GADL1: variants seen among roughly 807,000 people sequenced by gnomAD.
The protein encoded by GADL1 is acidic amino acid decarboxylase GADL1.
A neutral mutation model predicts 69.5 loss-of-function variants in GADL1; 71 were observed. The ratio of observed to expected loss-of-function variants is 1.02; its 90% CI spans 0.84 to 1.25. The LOEUF (loss-of-function observed/expected upper bound fraction) is 1.25, where lower values mean the gene tolerates loss of function less well. Ranked by LOEUF, GADL1 falls within the 50% of genes most tolerant of loss-of-function variation. GADL1 has a pLI of 0.00. For missense variants in GADL1, 737 were observed against 631.8 expected, an observed-to-expected ratio of 1.17 and a Z score of -1.79; for synonymous variants, 254 against 214.4, an observed-to-expected ratio of 1.18 and a Z score of -1.62.
chr3:30,852,255 C>G lies in GADL1; in HGVS notation c.429-1314G>C, dbSNP rs146516669. Among the ~76,000 whole-genome samples, 515 of 152,250 alleles carry G rather than the reference C, an allele frequency of 3.4e-3. 2 individuals carry two copies. The highest frequency in any genetic ancestry group is 0.012 in the African/African-American group (503 of 41,572). ...TTCAGCTGGGTGCAGTGGCTCATGCCTGTAATCTCAGCACTTTGGGAGTTC... is the reference window on the plus strand; with the variant it reads ...TTCAGCTGGGTGCAGTGGCTCATGCGTGTAATCTCAGCACTTTGGGAGTTC... On this transcript the variant is annotated intron_variant, in intron 4 of 14. Transcript: ENST00000282538.
chr3:30,892,222 T>G (rs1698796125), intron 1 of GADL1, among the ~76,000 whole-genome samples: 1 of 152,228 alleles, frequency 6.6e-6, no homozygotes, highest in South Asian at 2.1e-4. Context: ...AGAATAAGAA[T>G]TCTTTATCTG....
Position 30,816,536 on chromosome 3 carries a change from T to G in GADL1, c.1051-15448A>C, listed in dbSNP as rs13064491. On this transcript the variant is annotated intron_variant, in intron 11 of 14. Coordinates refer to ENST00000282538, the MANE Select transcript of GADL1 (RefSeq NM_207359.3). ...TATATTCTTAATTTGTTTTCTTTTT[T>G]TTTTTTTTTTTTTTTTTTTTTTTTT... 2.5e-3 allele frequency among the ~76,000 whole-genome samples: 136 copies of G among 54,950 alleles called. 2 individuals are homozygous for G. The highest frequency in any genetic ancestry group is 8.7e-3 in the African/African-American group (117 of 13,378). The allele number at this position is 54,950 out of a possible 152,430, so 36.0% of individuals were successfully genotyped here.
chr3:30,801,224 G>A (rs1456748352), intron 11 of GADL1, 136 bp from the exon 12 acceptor site: 4 of 652,606 alleles, frequency 6.1e-6, no homozygotes, highest in Non-Finnish European at 1.1e-5. Flanking sequence ...CCTTACATCA[G>A]ACACAATCAG....
At chr3:30,808,973 C>T (rs79039036) in intron 11 of GADL1, among the ~76,000 whole-genome samples, 2,302 of 152,280 alleles carry the variant, frequency 0.015, 54 homozygotes, top group African/African-American at 0.053. Flanking sequence ...GTCTCATGCA[C>T]AGTGACTAAA....
chr3:30,759,555 T>C (rs765898400), intron 14 of GADL1, among the ~76,000 whole-genome samples: 1 of 152,244 alleles, frequency 6.6e-6, no homozygotes, highest in Non-Finnish European at 1.5e-5. Flanking sequence ...GTTCCCACAG[T>C]AACACTGTGG....
chr3:30,739,875 T>C (rs1403142427), intron 14 of GADL1, among the ~76,000 whole-genome samples: 2 of 152,238 alleles, frequency 1.3e-5, no homozygotes, highest in Non-Finnish European at 2.9e-5. Flanking sequence ...CCATTAATGC[T>C]GTAAATATTA....
chr3:30,887,240 G>A (rs1698721864), intron 1 of GADL1, among the ~76,000 whole-genome samples: 1 of 152,164 alleles, frequency 6.6e-6, no homozygotes, highest in Non-Finnish European at 1.5e-5. Flanking sequence ...TTAAAAAGAA[G>A]GTGCTGTGGT....
intron 14 of GADL1, among the ~76,000 whole-genome samples, chr3:30,762,197 A>G (rs1228960639): frequency 6.6e-6 from 1 of 152,136 alleles, no homozygotes; most frequent in African/African-American, 2.4e-5. Context: ...AACAGTGAAG[A>G]GAAGAGGGGC....
intron 8 of GADL1, among the ~76,000 whole-genome samples, chr3:30,840,844 G>C (rs1697953818): frequency 6.6e-6 from 1 of 152,210 alleles, no homozygotes; most frequent in Non-Finnish European, 1.5e-5. Context: ...AGTATTGATG[G>C]CATGCTGCCA....
intron 12 of GADL1, among the ~76,000 whole-genome samples, chr3:30,793,987 C>T (rs1404430138): frequency 2.0e-5 from 3 of 152,294 alleles, no homozygotes; most frequent in Non-Finnish European, 4.4e-5. Context: ...CAGACACCCA[C>T]GTGCTCTATT....
chr3:30,769,094 T>TCACAGTA (rs1170412697), intron 14 of GADL1, among the ~76,000 whole-genome samples: 3 of 152,166 alleles, frequency 2.0e-5, no homozygotes, highest in African/African-American at 7.2e-5. Flanking sequence ...GCAAGAAATG[T>TCACAGTA]CACAGTACTG....
chr3:30,875,554 G>A (rs1298415213), intron 1 of GADL1, among the ~76,000 whole-genome samples: 1 of 151,902 alleles, frequency 6.6e-6, no homozygotes, highest in Non-Finnish European at 1.5e-5. Flanking sequence ...ACATACAATA[G>A]TCATGCAGGC....
intron 11 of GADL1, among the ~76,000 whole-genome samples, chr3:30,804,394 TTC>T (rs912429743): frequency 1.8e-4 from 28 of 152,290 alleles, no homozygotes; most frequent in African/African-American, 6.0e-4. Flanking sequence ...CTAACAAAGA[TTC>T]TGTTTTTGAC....
Position 30,791,647 on chromosome 3 carries a change from G to A in GADL1, c.1251-5241C>T, listed in dbSNP as rs143365784. 5.4e-3 allele frequency among the ~76,000 whole-genome samples: 828 copies of A among 152,092 alleles called. 3 individuals are homozygous for A. The highest frequency in any genetic ancestry group is 8.4e-3 in the Non-Finnish European group (568 of 67,982). ...TCTTTTTGCTAACCATGTAGATCTGGGCTTTGTGTTGGGGTAATGTTCCTA... is the reference window on the plus strand; with the variant it reads ...TCTTTTTGCTAACCATGTAGATCTGAGCTTTGTGTTGGGGTAATGTTCCTA... On this transcript the variant is annotated intron_variant, in intron 12 of 14. Coordinates refer to ENST00000282538, the MANE Select transcript of GADL1 (RefSeq NM_207359.3).
intron 6 of GADL1, among the ~76,000 whole-genome samples, chr3:30,847,191 A>T (rs181527170): frequency 6.6e-6 from 1 of 152,164 alleles, no homozygotes; most frequent in African/African-American, 2.4e-5. Context: ...CCTATTTAGC[A>T]CTAGAGAGGC....
chr3:30,791,246 CTT>C lies in GADL1; in HGVS notation c.1251-4842_1251-4841del, dbSNP rs1696907836. The stretch of plus-strand genomic sequence containing the variant: ...TAGGAGAAAAGCTTTGTGAACCATC[CTT>C]TTTCTCCCTTTTCAGGCACAAATGT... On this transcript the variant is annotated intron_variant, in intron 12 of 14. Coordinates refer to ENST00000282538, the MANE Select transcript of GADL1 (RefSeq NM_207359.3). Among the ~76,000 whole-genome samples, 3 of 152,172 alleles carry C rather than the reference CTT, an allele frequency of 2.0e-5. No homozygotes were observed. In the South Asian group the frequency reaches 6.2e-4, roughly 32 times the overall value.
chr3:30,769,003 A>G (rs538220792), intron 14 of GADL1, among the ~76,000 whole-genome samples: 63 of 152,300 alleles, frequency 4.1e-4, no homozygotes, highest in African/African-American at 1.5e-3. Flanking sequence ...TGTTTTTGCA[A>G]CAACAAACTG....
intron 7 of GADL1, 48 bp downstream of exon 7, chr3:30,844,339 T>A: frequency 6.4e-7 from 1 of 1,569,578 alleles, no homozygotes; most frequent in Non-Finnish European, 8.8e-7. Flanking sequence ...ATAAACCATA[T>A]AAACTTTTCC....
chr3:30,772,927 G>A (rs1217016803), intron 14 of GADL1, among the ~76,000 whole-genome samples: 1 of 152,012 alleles, frequency 6.6e-6, no homozygotes, highest in Non-Finnish European at 1.5e-5. Context: ...AGCTTTCAGG[G>A]AAACCTAGGA....
Sources: gnomAD v4.1 joint callset for allele counts (sites outside exome capture counted in the v4.1 genomes callset) on GRCh38, gnomAD v4.1.1 for gene constraint, MANE v1.5 for transcripts, NCBI Gene and HGNC (gene_info 2026-07-23, HGNC 2026-07-21) for gene names.